ZNF638: variants seen among roughly 807,000 people sequenced by gnomAD.
ZNF638 encodes zinc finger protein 638.
In ZNF638, 46 loss-of-function variants were observed where a neutral mutation model predicts 195.6. That is an observed-to-expected ratio of 0.24 (90% CI 0.19 to 0.30). ZNF638 has a LOEUF of 0.30. ZNF638 is among the 10% of genes least tolerant of loss of function. The probability of loss-of-function intolerance (pLI) is 1.00; values close to 1 mark genes in which losing one functional copy is unlikely to be tolerated. For synonymous variants in ZNF638, 845 were observed against 772.0 expected, an observed-to-expected ratio of 1.09 and a Z score of -1.57; for missense variants, 2,440 against 2,325.3, an observed-to-expected ratio of 1.05 and a Z score of -1.01.
At chr2:71,340,820 CTG>C (rs879777509) in intron 1 of ZNF638, among the ~76,000 whole-genome samples, 6 of 152,126 alleles carry the variant, frequency 3.9e-5, no homozygotes, top group Non-Finnish European at 5.9e-5. Context: ...TACTTCCTAG[CTG>C]TGTTTTACTT....
intron 16 of ZNF638, 91 bp from the exon 17 acceptor site, chr2:71,403,779 C>A (rs895271156): frequency 1.1e-6 from 1 of 882,708 alleles, no homozygotes; most frequent in Non-Finnish European, 1.7e-6. Flanking sequence ...ATCCACTTGA[C>A]GTTTGAAGTA....
At chr2:71,384,480 G>A (rs2079597498) in intron 10 of ZNF638, among the ~76,000 whole-genome samples, 1 of 152,174 alleles carries the variant, frequency 6.6e-6, no homozygotes, top group African/African-American at 2.4e-5. Flanking sequence ...TATTTTCCAT[G>A]TTACTTCATT....
rs145117059 is a variant in ZNF638, at chr2:71,427,315, A to G, written c.5446A>G (p.Thr1816Ala). Residue 1816 changes from threonine (T) to alanine (A), a missense_variant, in exon 24 of 28, where the codon ACA (threonine) becomes GCA (alanine). This residue lies in a region of ZNF638 where 1,883 missense variants were observed against 1,739.1 expected (regional missense o/e 1.08). Transcript: ENST00000264447. ...GAATAGAAAGAAGAGAGCTGTGGAC[A>G]CAAAAAAGACAAAACTTGAATCCTT... ...KGNRKKRAVD[T>A]KKTKLESLSQ... 439 of 1,611,154 alleles carry G rather than the reference A, an allele frequency of 2.7e-4. 1 individual carries two copies. In the African/African-American group the frequency reaches 4.0e-3, roughly 15 times the overall value.
intron 10 of ZNF638, among the ~76,000 whole-genome samples, chr2:71,385,601 T>C (rs1271028165): frequency 6.6e-6 from 1 of 152,184 alleles, no homozygotes; most frequent in Non-Finnish European, 1.5e-5. Context: ...GATCTACACC[T>C]ATGATAAAAT....
rs2080468261 is a variant in ZNF638 at position 71,423,210 on chromosome 2, A to G, written c.3696A>G (p.Glu1232=). ...TACCATCTGACAGTGTGTTTGCAGAAGAAAGGAACCTCAAAGGAATTCTAG... is the reference window on the plus strand; with the variant it reads ...TACCATCTGACAGTGTGTTTGCAGAGGAAAGGAACCTCAAAGGAATTCTAG... ...ALLPSDSVFA[E]ERNLKGILEE... Residue 1232 remains glutamate, a synonymous_variant, in exon 22 of 28, where the codon GAA becomes GAG. Transcript: ENST00000264447. 1.3e-5 allele frequency: 21 copies of G among 1,614,176 alleles called. No individual in the cohort carries two copies. Among genetic ancestry groups the G allele is most frequent in the Non-Finnish European group, 1.8e-5 (21 of 1,180,006 alleles).
intron 20 of ZNF638, chr2:71,408,623 A>G (rs2080151052): frequency 9.5e-6 from 3 of 316,342 alleles, no homozygotes; most frequent in East Asian, 1.0e-4. Context: ...AGTTACATTT[A>G]TTATAAACTG....
Position 71,425,307 on chromosome 2 carries a change from TAAGCAGAAATAAGGATTATGGCTACTA to T in ZNF638, c.4590+628_4590+654del, listed in dbSNP as rs1366755895. On this transcript the variant is annotated intron_variant, in intron 23 of 27. Coordinates refer to ENST00000264447, the MANE Select transcript of ZNF638 (RefSeq NM_014497.5). ...GGGCAAGGAGAAATGTTACTAGTTT[TAAGCAGAAATAAGGATTATGGCTACTA>T]AAGCAGAAATAAGGATTATGGCTAC... Among the ~76,000 whole-genome samples the T allele has an allele frequency of 1.5e-4, 23 of 152,306 alleles. No individual in the cohort carries two copies. The South Asian group carries it at 1.9e-3, about 12-fold the overall frequency.
In ZNF638 at chr2:71,349,162, A is replaced by G; in HGVS notation, c.208A>G (p.Asn70Asp). ...SYQNMGPQRMNVQVTQHRTDP... is the reference protein window; with the variant it reads ...SYQNMGPQRMDVQVTQHRTDP... ...TCAGAACATGGGGCCACAGAGAATG[A>G]ATGTTCAGGTAACTCAACACAGAAC... The change falls in exon 2 of 28, where the codon AAT becomes GAT. Residue 70 changes from asparagine (N) to aspartate (D), a missense_variant. Transcript: ENST00000264447. The G allele has an allele frequency of 1.2e-6, 2 of 1,614,224 alleles. No individual in the cohort carries two copies. The highest frequency in any genetic ancestry group is 1.7e-6 in the Non-Finnish European group (2 of 1,180,046).
rs367851477 is a variant in ZNF638 at position 71,333,987 on chromosome 2, G to A, written c.-203+2112G>A. On this transcript the variant is annotated intron_variant, in intron 1 of 27. Transcript: ENST00000264447. Reference sequence around the variant, plus strand: ...ATTAAACGGCTTAAAAGGATTTAGAGTAATAGAATTTTGGAGTTGAAAGGC... The same window carrying A: ...ATTAAACGGCTTAAAAGGATTTAGAATAATAGAATTTTGGAGTTGAAAGGC... Among the ~76,000 whole-genome samples the A allele has an allele frequency of 3.3e-5, 5 of 152,210 alleles. No homozygotes were observed. In the South Asian group the frequency reaches 8.3e-4, roughly 25 times the overall value.
At chr2:71,413,993 A>C (rs1233560892) in intron 20 of ZNF638, among the ~76,000 whole-genome samples, 1 of 84,696 alleles carries the variant, frequency 1.2e-5, no homozygotes, top group Non-Finnish European at 2.2e-5. Flanking sequence ...CTGGCCTCAT[A>C]AAATGAGTTA....
In ZNF638 at chr2:71,426,702, T is replaced by A. The variant is rs757706869; in HGVS notation, c.4833T>A (p.Ala1611=). 23 of 1,614,224 alleles carry A rather than the reference T, an allele frequency of 1.4e-5. No homozygotes were observed. In the South Asian group the frequency reaches 2.4e-4, roughly 17 times the overall value. ...AGATTGGGGAAGAGGAAGATGCAGC[T>A]GCACATCTAGCACAAGCTCTAGTCA... The part of the protein sequence containing the change: ...LDEIGEEEDA[A]AHLAQALVTV... Residue 1611 remains alanine (A), a synonymous_variant, in exon 24 of 28, where the codon GCT becomes GCA. Transcript: ENST00000264447.
Position 71,427,416 on chromosome 2 carries a change from T to A in ZNF638, c.5545+2T>A. 6.5e-7 allele frequency: 1 copy of A among 1,538,122 alleles called. No individual in the cohort carries two copies. Among genetic ancestry groups the A allele is most frequent in the Non-Finnish European group, 8.7e-7 (1 of 1,150,990 alleles). On this transcript the variant is annotated splice_donor_variant, in intron 24 of 27. Transcript: ENST00000264447. LOFTEE classifies it high-confidence loss of function. ...CCATGATTGAAAGACACTTAACAGG[T>A]AGATACTTGGAAGGGGTAGTCTTTC... is the stretch of plus-strand genomic sequence containing the variant.
chr2:71,406,428 AG>A (rs1442283341), intron 19 of ZNF638, among the ~76,000 whole-genome samples, 166 bp downstream of exon 19: 2 of 152,194 alleles, frequency 1.3e-5, no homozygotes, highest in East Asian at 3.9e-4. Flanking sequence ...GGGCCGAGAA[AG>A]AAGAGATGAC....
Position 71,422,814 on chromosome 2 carries a change from C to A in ZNF638, c.3300C>A (p.Ser1100Arg). 6.2e-7 allele frequency: 1 copy of A among 1,605,762 alleles called. No individual in the cohort carries two copies. Among genetic ancestry groups the A allele is most frequent in the Non-Finnish European group, 8.5e-7 (1 of 1,176,284 alleles). Residue 1100 changes from serine (S) to arginine (R), a missense_variant and splice_region_variant, in exon 22 of 28, where the codon AGC becomes AGA. Physicochemically the swap from Ser to Arg is moderately radical, Grantham distance 110 (BLOSUM62 -1). This residue lies in a region of ZNF638 where 1,883 missense variants were observed against 1,739.1 expected (regional missense o/e 1.08). Coordinates refer to ENST00000264447, the MANE Select transcript of ZNF638 (RefSeq NM_014497.5). ...IEHDPELEKE[S>R]PGLKNSPIDE... Reference sequence around the variant, plus strand: ...TTTGTTTGTTTTTAAATACTTTTAGCCCTGGCTTGAAAAACAGTCCAATTG... The same window carrying A: ...TTTGTTTGTTTTTAAATACTTTTAGACCTGGCTTGAAAAACAGTCCAATTG...
At chr2:71,345,944 A>G (rs1006302294) in intron 1 of ZNF638, among the ~76,000 whole-genome samples, 6 of 152,198 alleles carry the variant, frequency 3.9e-5, no homozygotes, top group Non-Finnish European at 8.8e-5. Flanking sequence ...TGGAGAATAC[A>G]GTTTGTCAGG....
At chr2:71,335,416 A>G (rs986384934) in intron 1 of ZNF638, among the ~76,000 whole-genome samples, 1 of 152,168 alleles carries the variant, frequency 6.6e-6, no homozygotes, top group Non-Finnish European at 1.5e-5. Context: ...AAATATATTT[A>G]TTGTTCATTC....
Position 71,423,451 on chromosome 2 carries a change from A to G in ZNF638, c.3937A>G (p.Lys1313Glu), listed in dbSNP as rs770351303. The change falls in exon 22 of 28, where the codon AAG (lysine) becomes GAG (glutamate). Residue 1313 changes from lysine to glutamate, a missense_variant. Coordinates refer to ENST00000264447, the MANE Select transcript of ZNF638 (RefSeq NM_014497.5). ...KKGNMDEKEEKEFNTKETRMD... is the reference protein window; with the variant it reads ...KKGNMDEKEEEEFNTKETRMD... ...AGGTAACATGGATGAAAAGGAGGAG[A>G]AGGAATTTAATACTAAGGAAACCAG... 1.1e-5 allele frequency: 17 copies of G among 1,613,294 alleles called. No homozygotes were observed. Among genetic ancestry groups the G allele is most frequent in the Non-Finnish European group, 1.4e-5 (17 of 1,179,840 alleles).
chr2:71,386,293 CAAAAAAAAAAAA>C (rs58219651), intron 10 of ZNF638, among the ~76,000 whole-genome samples: 2 of 85,222 alleles, frequency 2.3e-5, no homozygotes, highest in Non-Finnish European at 4.6e-5. Context: ...GACCTTGTCT[CAAAAAAAAAAAA>C]AAAAAAAAAA....
At chr2:71,410,629 G>A (rs568278008) in intron 20 of ZNF638, among the ~76,000 whole-genome samples, 2 of 152,274 alleles carry the variant, frequency 1.3e-5, no homozygotes, top group South Asian at 4.1e-4. Flanking sequence ...TAGTGGAGGA[G>A]ATAGACTATA....
Sources: allele counts gnomAD v4.1 joint callset (sites outside exome capture counted in the v4.1 genomes callset), GRCh38; gene constraint gnomAD v4.1.1; regional missense constraint gnomAD v4.1.1; transcripts MANE v1.5; gene names NCBI Gene and HGNC (gene_info 2026-07-23, HGNC 2026-07-21).